GALNT7: variants seen among roughly 807,000 people sequenced by gnomAD.
GALNT7 encodes the protein polypeptide N-acetylgalactosaminyltransferase 7.
In GALNT7, 60 loss-of-function variants were observed where a neutral mutation model predicts 82.1. That is an observed-to-expected ratio of 0.73 (90% CI 0.59 to 0.91). The LOEUF (loss-of-function observed/expected upper bound fraction) is 0.91. Among genes scored for constraint, GALNT7 ranks in the 40% least tolerant of loss-of-function variants. The probability of loss-of-function intolerance (pLI) is 0.00; values close to 1 mark genes in which losing one functional copy is unlikely to be tolerated. For missense variants in GALNT7, 660 were observed against 804.2 expected (o/e 0.82, Z 2.17); for synonymous variants, 243 against 275.1 (o/e 0.88, Z 1.15).
chr4:173,292,141 C>T lies in GALNT7; in HGVS notation c.621C>T (p.Leu207=), dbSNP rs1736564473. 1.2e-6 allele frequency: 2 copies of T among 1,609,260 alleles called. No individual in the cohort carries two copies. The highest frequency in any genetic ancestry group is 3.4e-5 in the Admixed American group (2 of 59,334). ...CKYWHYDENL[L]TSSVVIVFHN... is the part of the protein sequence containing the mutation. ...ATTGGCATTATGATGAAAACTTGCTCACTTCGAGCGTTGTCATTGTCTTCC... is the reference window on the plus strand; with the variant it reads ...ATTGGCATTATGATGAAAACTTGCTTACTTCGAGCGTTGTCATTGTCTTCC... Residue 207 remains leucine, a synonymous_variant, in exon 3 of 12, where the codon CTC becomes CTT. Transcript: ENST00000265000. This position sits in a 1 kb window ranked among gnomAD's most constrained non-coding sequence, Gnocchi z 4.8.
chr4:173,309,647 T>G (rs373095091), intron 8 of GALNT7, among the ~76,000 whole-genome samples: 1 of 152,232 alleles, frequency 6.6e-6, no homozygotes, highest in Non-Finnish European at 1.5e-5. Context: ...TCTGGAACGC[T>G]TAACCAAGTC....
chr4:173,239,145 A>G (rs754546655), intron 1 of GALNT7, among the ~76,000 whole-genome samples: 1 of 152,228 alleles, frequency 6.6e-6, no homozygotes, highest in Non-Finnish European at 1.5e-5. Flanking sequence ...TGAAGTGCCA[A>G]CATGATTTAT....
At chr4:173,228,277 T>C (rs1733903122) in intron 1 of GALNT7, among the ~76,000 whole-genome samples, 1 of 70,526 alleles carries the variant, frequency 1.4e-5, no homozygotes, top group Non-Finnish European at 4.0e-5. Flanking sequence ...GAAAACTGCT[T>C]TTACTCTCTC....
At position 173,291,846 on chromosome 4, in the gene GALNT7, T is replaced by C. The variant is rs113247823; in HGVS notation, c.588-262T>C. On this transcript the variant is annotated intron_variant, in intron 2 of 11. Transcript: ENST00000265000. ...TGATAGCTGTAAATACTATCTTAAG[T>C]GTCCTCAGCATAAATTCACAAATTA... 9.6e-3 allele frequency among the ~76,000 whole-genome samples: 1,449 copies of C among 151,262 alleles called. 24 individuals are homozygous for C. The highest frequency in any genetic ancestry group is 0.032 in the African/African-American group (1,310 of 41,236).
chr4:173,216,150 CTAA>C (rs1183491230), intron 1 of GALNT7, among the ~76,000 whole-genome samples: 2 of 152,194 alleles, frequency 1.3e-5, no homozygotes, highest in Non-Finnish European at 1.5e-5. Flanking sequence ...TTAAAGTGAA[CTAA>C]TAATGATGTC....
At chr4:173,246,452 C>T (rs1348823720) in intron 1 of GALNT7, among the ~76,000 whole-genome samples, 1 of 152,088 alleles carries the variant, frequency 6.6e-6, no homozygotes, top group African/African-American at 2.4e-5. Context: ...GAAAAATTCA[C>T]AAGAAGTTGG....
At chr4:173,233,683 C>T (rs1734116140) in intron 1 of GALNT7, among the ~76,000 whole-genome samples, 1 of 152,168 alleles carries the variant, frequency 6.6e-6, no homozygotes, top group Non-Finnish European at 1.5e-5. Context: ...GGGTTGTCCG[C>T]CTCCCAGCCA....
In GALNT7 at chr4:173,228,671, C is replaced by G. The variant is rs1733920307; in HGVS notation, c.127-19309C>G. ...TTTTAAAGATTTTGATACTCACAGCCAGATGGCTTTACAAAAAAAACTCTA... is the reference window on the plus strand; with the variant it reads ...TTTTAAAGATTTTGATACTCACAGCGAGATGGCTTTACAAAAAAAACTCTA... On this transcript the variant is annotated intron_variant, in intron 1 of 11. Transcript: ENST00000265000. 1.3e-5 allele frequency among the ~76,000 whole-genome samples: 2 copies of G among 151,870 alleles called. 1 individual carries two copies. Among genetic ancestry groups the G allele is most frequent in the South Asian group, 4.1e-4 (2 of 4,824 alleles).
chr4:173,233,957 T>C (rs1347781033), intron 1 of GALNT7, among the ~76,000 whole-genome samples: 1 of 152,200 alleles, frequency 6.6e-6, no homozygotes, highest in Admixed American at 6.5e-5. Context: ...TTTGTATCGT[T>C]TCCACATCTC....
chr4:173,184,227 C>T (rs1241911627), intron 1 of GALNT7, among the ~76,000 whole-genome samples: 2 of 152,066 alleles, frequency 1.3e-5, no homozygotes, highest in African/African-American at 4.8e-5. Flanking sequence ...AATCTCGGCA[C>T]TTTGGGAGGC....
At chr4:173,250,520 G>A (rs1001068703) in intron 2 of GALNT7, among the ~76,000 whole-genome samples, 4 of 152,038 alleles carry the variant, frequency 2.6e-5, no homozygotes, top group African/African-American at 4.8e-5. Flanking sequence ...TCACTTCTGA[G>A]GTCCGCTTCT....
intron 1 of GALNT7, among the ~76,000 whole-genome samples, chr4:173,226,888 C>T (rs990303659): frequency 6.6e-6 from 1 of 152,112 alleles, no homozygotes. Context: ...TATTGGAAGA[C>T]CTCGAAATAC....
intron 8 of GALNT7, among the ~76,000 whole-genome samples, chr4:173,310,734 T>A (rs1737353472): frequency 6.6e-6 from 1 of 152,090 alleles, no homozygotes; most frequent in Non-Finnish European, 1.5e-5. Flanking sequence ...TTTTATGTTG[T>A]TGTTGTTGTT....
chr4:173,274,013 A>G (rs1735816877), intron 2 of GALNT7, among the ~76,000 whole-genome samples: 1 of 152,226 alleles, frequency 6.6e-6, no homozygotes, highest in Non-Finnish European at 1.5e-5. Flanking sequence ...TGTAACACAG[A>G]ATATGGCATG....
intron 6 of GALNT7, among the ~76,000 whole-genome samples, 168 bp from the exon 7 acceptor site, chr4:173,301,878 AC>A (rs1736952863): frequency 6.6e-6 from 1 of 152,208 alleles, no homozygotes; most frequent in South Asian, 2.1e-4. Context: ...GGAATTATGA[AC>A]AGATTTTTTT....
intron 1 of GALNT7, among the ~76,000 whole-genome samples, chr4:173,182,900 G>C (rs533882031): frequency 7.1e-6 from 1 of 140,350 alleles, no homozygotes; most frequent in African/African-American, 2.8e-5. Flanking sequence ...ACCTTTGAAT[G>C]ATGAGGCTAG....
intron 2 of GALNT7, among the ~76,000 whole-genome samples, chr4:173,283,635 GAA>G (rs201117902): frequency 1.4e-4 from 13 of 92,816 alleles, no homozygotes; most frequent in Admixed American, 1.2e-4. Flanking sequence ...AACTCTGTCT[GAA>G]AAAAAAAAAA....
At chr4:173,225,072 C>T (rs1422286637) in intron 1 of GALNT7, among the ~76,000 whole-genome samples, 1 of 150,692 alleles carries the variant, frequency 6.6e-6, no homozygotes, top group African/African-American at 2.5e-5. Flanking sequence ...TCTGTGCCCA[C>T]TTCCCCAAGA....
At chr4:173,263,414 A>G (rs1735355711) in intron 2 of GALNT7, among the ~76,000 whole-genome samples, 1 of 152,194 alleles carries the variant, frequency 6.6e-6, no homozygotes, top group South Asian at 2.1e-4. Context: ...TCAAAATTGT[A>G]TTGAGCTCTA....
Sources: allele counts gnomAD v4.1 joint callset (sites outside exome capture counted in the v4.1 genomes callset), GRCh38; gene constraint gnomAD v4.1.1; non-coding constraint Gnocchi (gnomAD v3.1); transcripts MANE v1.5; gene names NCBI Gene and HGNC (gene_info 2026-07-23, HGNC 2026-07-21).